SLC35F1: variants seen among roughly 807,000 people sequenced by gnomAD.
The protein encoded by SLC35F1 is chromosome 6 open reading frame 169.
Under a neutral mutation model 48.7 loss-of-function variants are expected in SLC35F1, and 14 were observed. The ratio of observed to expected loss-of-function variants is 0.29; its 90% CI spans 0.19 to 0.45. SLC35F1 has a LOEUF of 0.45. Ranked by LOEUF, SLC35F1 falls within the 20% of genes least tolerant of loss-of-function variation. The pLI is 1.00. For synonymous variants in SLC35F1, 190 were observed against 202.2 expected (o/e 0.94, Z 0.51); for missense variants, 404 against 500.0 (o/e 0.81, Z 1.83).
At chr6:118,154,760 A>G (rs188952375) in intron 2 of SLC35F1, 140 bp downstream of exon 2, 542 of 745,204 alleles carry the variant, frequency 7.3e-4, no homozygotes, top group Non-Finnish European at 9.7e-4. Context: ...ATTTTGCAGT[A>G]ATACAGTAAA....
At chr6:118,117,480 T>A (rs1206687393) in intron 1 of SLC35F1, among the ~76,000 whole-genome samples, 2 of 152,190 alleles carry the variant, frequency 1.3e-5, no homozygotes, top group Non-Finnish European at 2.9e-5. Flanking sequence ...CTTCTGAAAT[T>A]ATCAGAGTTG....
chr6:117,912,291 T>G (rs2760237), intron 1 of SLC35F1, among the ~76,000 whole-genome samples: 16,168 of 152,220 alleles, frequency 0.11, 2,042 homozygotes, highest in African/African-American at 0.3. Context: ...AAACCAAAGA[T>G]CGTTAAGGAT....
chr6:118,201,511 C>A (rs1181583143), intron 2 of SLC35F1, among the ~76,000 whole-genome samples: 6 of 152,150 alleles, frequency 3.9e-5, no homozygotes, highest in African/African-American at 1.4e-4. Flanking sequence ...CATCATTTAG[C>A]CCTGAGCCTG....
At chr6:118,027,016 C>CCAGAA (rs1771962893) in intron 1 of SLC35F1, among the ~76,000 whole-genome samples, 1 of 152,120 alleles carries the variant, frequency 6.6e-6, no homozygotes. Context: ...GATTTGGGTT[C>CCAGAA]TGTCTTTGTC....
intron 4 of SLC35F1, among the ~76,000 whole-genome samples, chr6:118,271,868 A>C (rs1033500923): frequency 6.6e-6 from 1 of 152,196 alleles, no homozygotes; most frequent in Non-Finnish European, 1.5e-5. Context: ...ACACTTACTA[A>C]GTGTCAGATA....
chr6:118,070,255 C>G (rs1772682815), intron 1 of SLC35F1, among the ~76,000 whole-genome samples: 1 of 151,490 alleles, frequency 6.6e-6, no homozygotes, highest in African/African-American at 2.4e-5. Flanking sequence ...AACTGCTTCT[C>G]TCTTTTACCT....
intron 2 of SLC35F1, among the ~76,000 whole-genome samples, chr6:118,227,528 C>T (rs1305011136): frequency 6.6e-6 from 1 of 152,100 alleles, no homozygotes; most frequent in African/African-American, 2.4e-5. Flanking sequence ...ATGGATTTTT[C>T]CATAGTACTC....
intron 3 of SLC35F1, among the ~76,000 whole-genome samples, chr6:118,260,269 G>C (rs911441649): frequency 3.3e-5 from 5 of 151,934 alleles, no homozygotes; most frequent in Non-Finnish European, 7.4e-5. Context: ...TTCTTTTGAG[G>C]ATGGTGAAAA....
intron 1 of SLC35F1, among the ~76,000 whole-genome samples, chr6:117,946,288 A>T (rs1299470950): frequency 6.6e-6 from 1 of 152,186 alleles, no homozygotes; most frequent in Non-Finnish European, 1.5e-5. Flanking sequence ...TAACAATGAC[A>T]TCCATATAAA....
At chr6:118,313,960 T>G in intron 7 of SLC35F1, 68 bp from the exon 8 acceptor site, 1 of 1,433,660 alleles carries the variant, frequency 7.0e-7, no homozygotes, top group Non-Finnish European at 9.8e-7. Context: ...CATGTTTCTG[T>G]GTGCCTCATT....
At chr6:117,952,270 G>T (rs1776371669) in intron 1 of SLC35F1, among the ~76,000 whole-genome samples, 2 of 152,188 alleles carry the variant, frequency 1.3e-5, no homozygotes, top group South Asian at 4.2e-4. Context: ...TTTCAAGAAG[G>T]TTAATGTTTT....
At chr6:118,281,209 T>TATAC (rs1775980974) in intron 6 of SLC35F1, among the ~76,000 whole-genome samples, 1 of 148,264 alleles carries the variant, frequency 6.7e-6, no homozygotes, top group East Asian at 1.9e-4. Flanking sequence ...TCTCTCTATA[T>TATAC]ATATATATAT....
rs577792555 is a variant in SLC35F1, at chr6:118,122,108, G to A, written c.174-32337G>A. Among the ~76,000 whole-genome samples, 6 of 152,164 alleles carry A rather than the reference G, an allele frequency of 3.9e-5. No homozygotes were observed. In the South Asian group the frequency reaches 1.2e-3, roughly 32 times the overall value. ...CAATTAAAGGGCTGTTGATAATTTT[G>A]TGTCTCAACTGATGCAAAATAATGA... is the stretch of plus-strand genomic sequence containing the variant. On this transcript the variant is annotated intron_variant, in intron 1 of 7. Coordinates refer to ENST00000360388, the MANE Select transcript of SLC35F1 (RefSeq NM_001029858.4).
chr6:118,085,215 G>A (rs1772969516), intron 1 of SLC35F1, among the ~76,000 whole-genome samples: 2 of 152,124 alleles, frequency 1.3e-5, no homozygotes, highest in Non-Finnish European at 2.9e-5. Context: ...CCCCCTTGGA[G>A]GAGGCTTCCT....
chr6:118,066,223 C>T (rs1486913396), intron 1 of SLC35F1, among the ~76,000 whole-genome samples: 2 of 152,092 alleles, frequency 1.3e-5, no homozygotes, highest in Non-Finnish European at 2.9e-5. Flanking sequence ...CATTTAACTG[C>T]CATGCAATTC....
chr6:118,305,553 C>T lies in SLC35F1; in HGVS notation c.1003-8475C>T, dbSNP rs181073706. Among the ~76,000 whole-genome samples the T allele has an allele frequency of 2.5e-4, 38 of 152,208 alleles. 1 individual carries two copies. The East Asian group carries it at 6.0e-3, about 24-fold the overall frequency. ...ATAATAAGGTGCTATTTTTGCCTAA[C>T]ATGATATGACTATCCTGCATACAAT... On this transcript the variant is annotated intron_variant, in intron 7 of 7. Transcript: ENST00000360388.
intron 1 of SLC35F1, among the ~76,000 whole-genome samples, chr6:118,091,822 A>G (rs1302907526): frequency 6.6e-6 from 1 of 152,224 alleles, no homozygotes; most frequent in Non-Finnish European, 1.5e-5. Flanking sequence ...ATTGTGGACA[A>G]TAAAGTCTAG....
At chr6:118,272,365 A>G (rs140752739) in intron 4 of SLC35F1, among the ~76,000 whole-genome samples, 45 of 152,276 alleles carry the variant, frequency 3.0e-4, no homozygotes, top group African/African-American at 1.1e-3. Context: ...ATAATTTTAA[A>G]CATGTCCATT....
intron 3 of SLC35F1, among the ~76,000 whole-genome samples, chr6:118,250,914 G>A (rs369575023): frequency 1.3e-5 from 2 of 151,896 alleles, no homozygotes; most frequent in Non-Finnish European, 2.9e-5. Flanking sequence ...GCAGTGAGCC[G>A]AGATCGTGCC....
Sources: allele counts gnomAD v4.1 joint callset (sites outside exome capture counted in the v4.1 genomes callset), GRCh38; gene constraint gnomAD v4.1.1; transcripts MANE v1.5; gene names NCBI Gene and HGNC (gene_info 2026-07-23, HGNC 2026-07-21).